Variants in MBTD1 observed in about 807,000 individuals in gnomAD.
The protein encoded by MBTD1 is MBT domain-containing protein 1.
MBTD1 carries 24 observed loss-of-function variants against 87.8 expected under a neutral mutation model. The observed-to-expected ratio is 0.27, with a 90% CI of 0.20 to 0.38. MBTD1 has a LOEUF of 0.38. Ranked by LOEUF, MBTD1 falls within the 10% of genes least tolerant of loss-of-function variation. The pLI is 1.00. For synonymous variants in MBTD1, 237 were observed against 248.6 expected (o/e 0.95, Z 0.44); for missense variants, 436 against 760.2 (o/e 0.57, Z 5.02).
At chr17:51,209,406 G>A (rs1490506475) in intron 6 of MBTD1, 2 of 471,070 alleles carry the variant, frequency 4.2e-6, no homozygotes, top group Non-Finnish European at 8.8e-6. Flanking sequence ...ACTCGTGAGG[G>A]CTATCTGGGA....
chr17:51,225,617 A>T (rs1270842142), intron 2 of MBTD1, among the ~76,000 whole-genome samples: 2 of 151,276 alleles, frequency 1.3e-5, no homozygotes, highest in East Asian at 3.9e-4. Flanking sequence ...CAAGCCTCCC[A>T]GAGTGCTCGG....
chr17:51,180,621 C>T lies in MBTD1; in HGVS notation c.1842G>A (p.Gln614=). Residue 614 remains glutamine (Q), a synonymous_variant, in exon 17 of 17, where the codon CAG becomes CAA. Coordinates refer to ENST00000586178, the MANE Select transcript of MBTD1 (RefSeq NM_017643.3). The part of the protein sequence containing the change: ...DYNFLQGASD[Q]ESNGSANFYI... ...AGAAGTTGGCAGAGCCATTGCTTTCCTGATCAGACGCTCCTTGAAGGAAAT... is the reference window on the plus strand; with the variant it reads ...AGAAGTTGGCAGAGCCATTGCTTTCTTGATCAGACGCTCCTTGAAGGAAAT... 1 of 1,551,784 alleles carries T rather than the reference C, an allele frequency of 6.4e-7. No individual in the cohort carries two copies. The highest frequency in any genetic ancestry group is 8.7e-7 in the Non-Finnish European group (1 of 1,146,824).
Sources: gnomAD v4.1 joint callset for allele counts (sites outside exome capture counted in the v4.1 genomes callset) on GRCh38, gnomAD v4.1.1 for gene constraint, MANE v1.5 for transcripts, NCBI Gene and HGNC (gene_info 2026-07-23, HGNC 2026-07-21) for gene names.